Variants in SUN1 observed in about 807,000 individuals in gnomAD.
SUN1 encodes the protein Sad1 and UNC84 domain containing 1.
A neutral mutation model predicts 103.2 loss-of-function variants in SUN1; 61 were observed. The observed-to-expected ratio is 0.59, with a 90% CI of 0.48 to 0.73. SUN1 has a LOEUF of 0.73. SUN1 is among the 30% of genes least tolerant of loss of function. The pLI is 0.00. For synonymous variants in SUN1, 490 were observed against 425.7 expected, an observed-to-expected ratio of 1.15 and a Z score of -1.86; for missense variants, 1,052 against 1,034.6, an observed-to-expected ratio of 1.02 and a Z score of -0.23.
rs745922989 is a variant in SUN1, at chr7:842,070, C to A, written c.391C>A (p.Arg131=). ...CAGCCTGCAGGATGCTGTGACTCGA[C>A]GGCCTCCTGTATTGGACGAGTCTTG... The part of the protein sequence containing the change: ...TVSLQDAVTR[R]PPVLDESWIR... Residue 131 remains arginine (R), a synonymous_variant, in exon 3 of 19, where the codon CGG becomes AGG. Transcript: ENST00000401592. 6.2e-7 allele frequency: 1 copy of A among 1,614,216 alleles called. No individual in the cohort carries two copies. The highest frequency in any genetic ancestry group is 8.5e-7 in the Non-Finnish European group (1 of 1,180,058).
In SUN1 at chr7:851,943, C is replaced by T. The variant is rs745317240; in HGVS notation, c.758-7C>T. 1.9e-6 allele frequency: 3 copies of T among 1,613,436 alleles called. No individual in the cohort carries two copies. Among genetic ancestry groups the T allele is most frequent in the East Asian group, 4.5e-5 (2 of 44,892 alleles). The stretch of plus-strand genomic sequence containing the variant: ...TTCCTTAGAATGTTTGGTGTTTTCT[C>T]TTGTAGGGAAGGCAGCCTCTGGAGT... On this transcript the variant is annotated splice_region_variant and splice_polypyrimidine_tract_variant and intron_variant, in intron 6 of 18. Transcript: ENST00000401592.
intron 13 of SUN1, 116 bp from the exon 14 acceptor site, chr7:860,012 C>A: frequency 7.7e-7 from 1 of 1,303,024 alleles, no homozygotes; most frequent in Non-Finnish European, 1.0e-6. Context: ...GTCACAATGA[C>A]ATTCTAGATT....
chr7:864,438 C>T (rs1834670302), intron 15 of SUN1, among the ~76,000 whole-genome samples: 1 of 151,662 alleles, frequency 6.6e-6, no homozygotes, highest in Non-Finnish European at 1.5e-5. Context: ...CCTGTAATCC[C>T]AGCTACTCGG....
chr7:866,567 C>T (rs1462531639), intron 16 of SUN1, among the ~76,000 whole-genome samples: 5 of 98,932 alleles, frequency 5.1e-5, no homozygotes, highest in Admixed American at 2.1e-4. Context: ...CCCGTACCTT[C>T]GCCCCCACTG....
chr7:827,237 G>T (rs1398552066), intron 1 of SUN1, among the ~76,000 whole-genome samples: 1 of 151,898 alleles, frequency 6.6e-6, no homozygotes, highest in Non-Finnish European at 1.5e-5. Flanking sequence ...GGCCAGGCTG[G>T]TCTCAAACTC....
At position 858,147 on chromosome 7, in the gene SUN1, C is replaced by T. The variant is rs61441144; in HGVS notation, c.1524+190C>T. On this transcript the variant is annotated intron_variant, in intron 13 of 18. Coordinates refer to ENST00000401592, the MANE Select transcript of SUN1 (RefSeq NM_001130965.3). Reference sequence around the variant, plus strand: ...CTCACTGCAGGCCACCTCCACCTGCCGGGTTCAAGCGATTCTCCCACCTTA... The same window carrying T: ...CTCACTGCAGGCCACCTCCACCTGCTGGGTTCAAGCGATTCTCCCACCTTA... 0.16 allele frequency among the ~76,000 whole-genome samples: 24,071 copies of T among 152,086 alleles called. 2,031 individuals carry two copies. The highest frequency in any genetic ancestry group is 0.18 in the African/African-American group (7,385 of 41,466).
intron 5 of SUN1, among the ~76,000 whole-genome samples, chr7:849,320 G>A (rs1235530792): frequency 2.7e-4 from 41 of 152,226 alleles, no homozygotes; most frequent in Non-Finnish European, 5.9e-5. Context: ...GCCAGAGGGT[G>A]GGGGCCCTTT....
At chr7:854,382 A>G (rs1177484436) in intron 10 of SUN1, among the ~76,000 whole-genome samples, 1 of 152,268 alleles carries the variant, frequency 6.6e-6, no homozygotes, top group East Asian at 1.9e-4. Context: ...CGCTACTCAC[A>G]TATGGCCGTG....
chr7:836,500 G>C (rs1438502675), intron 1 of SUN1, among the ~76,000 whole-genome samples: 1 of 152,196 alleles, frequency 6.6e-6, no homozygotes, highest in Non-Finnish European at 1.5e-5. Flanking sequence ...CAAGACCCAG[G>C]AGAACCACGG....
intron 1 of SUN1, among the ~76,000 whole-genome samples, chr7:822,094 T>G (rs1786686212): frequency 1.3e-5 from 2 of 152,360 alleles, no homozygotes; most frequent in South Asian, 2.1e-4. Flanking sequence ...ACATCACATT[T>G]GAAGCAGTTT....
At chr7:869,755 G>C (rs1840058534) in intron 17 of SUN1, among the ~76,000 whole-genome samples, 1 of 152,150 alleles carries the variant, frequency 6.6e-6, no homozygotes, top group Admixed American at 6.6e-5. Flanking sequence ...ACACGCCTAA[G>C]AATTTTGCTC....
chr7:858,419 T>C (rs934502564), intron 13 of SUN1, among the ~76,000 whole-genome samples: 2 of 152,192 alleles, frequency 1.3e-5, no homozygotes, highest in Non-Finnish European at 2.9e-5. Flanking sequence ...ATGTGAACTT[T>C]TTAAATATTC....
intron 1 of SUN1, among the ~76,000 whole-genome samples, chr7:820,946 G>C (rs993890534): frequency 6.6e-6 from 1 of 152,052 alleles, no homozygotes; most frequent in African/African-American, 2.4e-5. Context: ...ATCAAAGTTA[G>C]ATTGTTCTTC....
chr7:823,531 G>A lies in SUN1; in HGVS notation c.-74+6858G>A, dbSNP rs565525522. 2.1e-4 allele frequency among the ~76,000 whole-genome samples: 32 copies of A among 152,272 alleles called. No homozygotes were observed. In the South Asian group the frequency reaches 5.8e-3, roughly 28 times the overall value. On this transcript the variant is annotated intron_variant, in intron 1 of 17. Transcript: ENST00000389574. ...GGAGCGGCATGTAAATGGGTGGGGA[G>A]GAGAGGGTTCCCTGGAGCCACGGTG...
At chr7:856,568 C>G (rs968517219) in intron 12 of SUN1, among the ~76,000 whole-genome samples, 167 bp downstream of exon 12, 3 of 152,156 alleles carry the variant, frequency 2.0e-5, no homozygotes, top group Non-Finnish European at 4.4e-5. Context: ...TGCGTGAGGA[C>G]AGAGGGGTCC....
At chr7:858,100 G>A (rs540512140) in intron 13 of SUN1, 143 bp downstream of exon 13, 1 of 1,055,794 alleles carries the variant, frequency 9.5e-7, no homozygotes, top group African/African-American at 1.6e-5. Flanking sequence ...ACGCAGGCTA[G>A]ACTGCAGTGG....
At chr7:824,472 CTATT>C (rs1211191567) in intron 1 of SUN1, among the ~76,000 whole-genome samples, 1 of 152,164 alleles carries the variant, frequency 6.6e-6, no homozygotes, top group Non-Finnish European at 1.5e-5. Context: ...TACAATGAAA[CTATT>C]TAAACTATTT....
intron 1 of SUN1, among the ~76,000 whole-genome samples, chr7:820,561 C>G (rs900883533): frequency 6.6e-6 from 1 of 152,164 alleles, no homozygotes; most frequent in African/African-American, 2.4e-5. Flanking sequence ...TAGTATGCCT[C>G]TTGACTGATT....
At chr7:863,600 A>AC (rs1161288402) in intron 15 of SUN1, among the ~76,000 whole-genome samples, 2 of 151,932 alleles carry the variant, frequency 1.3e-5, no homozygotes, top group Non-Finnish European at 2.9e-5. Context: ...CCACTGCCTT[A>AC]CCCCAGAATC....
Sources: gnomAD v4.1 joint callset for allele counts (sites outside exome capture counted in the v4.1 genomes callset) on GRCh38, gnomAD v4.1.1 for gene constraint, MANE v1.5 for transcripts, NCBI Gene and HGNC (gene_info 2026-07-23, HGNC 2026-07-21) for gene names.